The following SLC38A12 variants were observed in gnomAD, a reference collection of about 807,000 sequenced individuals.
SLC38A12 encodes the protein putative sodium-coupled neutral amino acid transporter 12.
At chr17:74,795,617 CT>C in the SLC38A12 span, 1 of 1,613,612 alleles carries the variant, frequency 6.2e-7, no homozygotes, top group South Asian at 1.1e-5. Flanking sequence ...GAGTGGACGC[CT>C]ACCGCATCTA....
At chr17:74,837,531 G>A in the SLC38A12 span, 6 of 985,322 alleles carry the variant, frequency 6.1e-6, no homozygotes, top group South Asian at 4.7e-5. Flanking sequence ...GCACCTCAGC[G>A]GCTTGGCAGT....
At chr17:74,838,702 C>T in the SLC38A12 span, 2 of 1,434,434 alleles carry the variant, frequency 1.4e-6, no homozygotes, top group African/African-American at 1.4e-5. Context: ...AGGTCACCTT[C>T]CTCTCCATCG....
chr17:74,823,646 T>C, the SLC38A12 span, among the ~76,000 whole-genome samples: 56 of 152,320 alleles, frequency 3.7e-4, no homozygotes, highest in African/African-American at 1.1e-3. Flanking sequence ...TGAATCCACA[T>C]GGGGAAGGAA....
At chr17:74,835,753 C>T in the SLC38A12 span, among the ~76,000 whole-genome samples, 2 of 152,326 alleles carry the variant, frequency 1.3e-5, no homozygotes, top group African/African-American at 4.8e-5. Flanking sequence ...GATGCGGGAC[C>T]TTCCTCTGAT....
At chr17:74,812,353 G>A in the SLC38A12 span, among the ~76,000 whole-genome samples, 1 of 152,062 alleles carries the variant, frequency 6.6e-6, no homozygotes, top group Non-Finnish European at 1.5e-5. Context: ...CCTTCGTGTG[G>A]GTGAATCCCC....
chr17:74,789,157 C>A, the SLC38A12 span, among the ~76,000 whole-genome samples: 3 of 152,304 alleles, frequency 2.0e-5, no homozygotes, highest in Admixed American at 2.0e-4. Flanking sequence ...CACTTCTTCC[C>A]GAGTGCGTCT....
chr17:74,823,630 T>TA, the SLC38A12 span, among the ~76,000 whole-genome samples: 2 of 152,376 alleles, frequency 1.3e-5, no homozygotes, highest in Non-Finnish European at 2.9e-5. Context: ...GGGTGGCAGA[T>TA]ACCTCTGAAT....
At chr17:74,833,644 G>T in the SLC38A12 span, among the ~76,000 whole-genome samples, 1 of 152,208 alleles carries the variant, frequency 6.6e-6, no homozygotes, top group East Asian at 1.9e-4. Context: ...CTCACGTCCA[G>T]ACAGCTGACC....
chr17:74,815,349 G>A, the SLC38A12 span, among the ~76,000 whole-genome samples: 1 of 152,182 alleles, frequency 6.6e-6, no homozygotes, highest in Non-Finnish European at 1.5e-5. Context: ...CTTGGGATTG[G>A]CTGTGACAGA....
At chr17:74,837,880 C>T in the SLC38A12 span, 6 of 985,854 alleles carry the variant, frequency 6.1e-6, no homozygotes, top group African/African-American at 7.0e-5. Context: ...TTGCCCCCAG[C>T]CCTGGGCCTG....
the SLC38A12 span, chr17:74,785,559 G>T: frequency 1.2e-6 from 2 of 1,614,182 alleles, no homozygotes; most frequent in South Asian, 2.2e-5. Flanking sequence ...CCACTGCCGG[G>T]TGGCTTGTCA....
chr17:74,816,958 C>T, the SLC38A12 span, among the ~76,000 whole-genome samples: 1 of 152,034 alleles, frequency 6.6e-6, no homozygotes, highest in Non-Finnish European at 1.5e-5. Flanking sequence ...GTTGAGCATT[C>T]AGAGATGGAC....
chr17:74,835,098 C>G, the SLC38A12 span, among the ~76,000 whole-genome samples: 2 of 152,234 alleles, frequency 1.3e-5, no homozygotes, highest in South Asian at 4.1e-4. Context: ...AGCCTGGTCT[C>G]CATCAGCAAC....
At chr17:74,817,348 C>G in the SLC38A12 span, among the ~76,000 whole-genome samples, 1 of 152,302 alleles carries the variant, frequency 6.6e-6, no homozygotes, top group African/African-American at 2.4e-5. Flanking sequence ...AAAGAAGCCA[C>G]ATTCCAACCA....
the SLC38A12 span, among the ~76,000 whole-genome samples, chr17:74,792,127 C>T: frequency 6.9e-6 from 1 of 144,622 alleles, no homozygotes; most frequent in Non-Finnish European, 1.5e-5. Flanking sequence ...GCCTGGGCTA[C>T]AGAGCGAGAC....
chr17:74,817,365 A>G, the SLC38A12 span, among the ~76,000 whole-genome samples: 3 of 152,100 alleles, frequency 2.0e-5, no homozygotes, highest in African/African-American at 7.2e-5. Context: ...ACCATCATCC[A>G]TCTATGGACG....
At chr17:74,799,937 G>A in the SLC38A12 span, among the ~76,000 whole-genome samples, 17 of 152,306 alleles carry the variant, frequency 1.1e-4, no homozygotes, top group South Asian at 6.2e-4. Flanking sequence ...GCCCTCCCAC[G>A]GTTTACCTTG....
At chr17:74,835,108 C>T in the SLC38A12 span, among the ~76,000 whole-genome samples, 18 of 152,314 alleles carry the variant, frequency 1.2e-4, no homozygotes, top group East Asian at 3.1e-3. Flanking sequence ...CCATCAGCAA[C>T]GCAAGCTGTT....
chr17:74,836,030 G>A, the SLC38A12 span: 5 of 1,611,364 alleles, frequency 3.1e-6, no homozygotes, highest in Non-Finnish European at 2.5e-6. The surrounding 1 kb of genome is among the most constrained non-coding windows in gnomAD (Gnocchi z 4.2). Context: ...ACCTGTTTGG[G>A]GTGTGCGTCT....
Sources: gnomAD v4.1 joint callset for allele counts (sites outside exome capture counted in the v4.1 genomes callset) on GRCh38, gnomAD v4.1.1 for gene constraint, Gnocchi (gnomAD v3.1) non-coding constraint, MANE v1.5 for transcripts, NCBI Gene and HGNC (gene_info 2026-07-23, HGNC 2026-07-21) for gene names.